The following ALK variants were observed in gnomAD, a reference collection of about 807,000 sequenced individuals.
The protein encoded by ALK is ALK receptor tyrosine kinase, also known as ALK tyrosine kinase receptor.
ALK carries 74 observed loss-of-function variants against 163.1 expected under a neutral mutation model. That is an observed-to-expected ratio of 0.45 (90% CI 0.38 to 0.55). The LOEUF is 0.55. Among genes scored for constraint, ALK ranks in the 20% least tolerant of loss-of-function variants. The pLI is 0.00. For missense variants in ALK, 2,063 were observed against 2,105.3 expected (o/e 0.98, Z 0.39); for synonymous variants, 960 against 843.2 (o/e 1.14, Z -2.40).
chr2:29,896,790 AT>A (rs907788592), intron 1 of ALK, among the ~76,000 whole-genome samples: 1 of 152,194 alleles, frequency 6.6e-6, no homozygotes, highest in African/African-American at 2.4e-5. Flanking sequence ...ACATGATCCC[AT>A]TGGACAGTAA....
intron 1 of ALK, among the ~76,000 whole-genome samples, chr2:29,745,430 C>T (rs1010426672): frequency 3.3e-5 from 5 of 152,160 alleles, no homozygotes; most frequent in Non-Finnish European, 7.3e-5. Flanking sequence ...ATAAATGAAC[C>T]CTCCACCATA....
intron 1 of ALK, among the ~76,000 whole-genome samples, chr2:29,831,070 GGGAGGAGGAGGAGGAGGA>G (rs751792416): frequency 4.2e-5 from 1 of 23,546 alleles, no homozygotes; most frequent in African/African-American, 1.5e-4. Flanking sequence ...GGGGAGGAAG[GGGAGGAGGAGGAGGAGGA>G]GGAGGAGGAG....
At chr2:29,654,501 T>C (rs1198660865) in intron 3 of ALK, among the ~76,000 whole-genome samples, 1 of 152,170 alleles carries the variant, frequency 6.6e-6, no homozygotes, top group Non-Finnish European at 1.5e-5. Flanking sequence ...AAAGGAAGCT[T>C]GGGTCATACA....
chr2:29,388,759 C>CAAAGGAG (rs757219872), intron 4 of ALK, among the ~76,000 whole-genome samples: 105 of 152,160 alleles, frequency 6.9e-4, no homozygotes, highest in Non-Finnish European at 1.0e-3. Context: ...TTATGAGCGT[C>CAAAGGAG]AAAGGAGAAA....
intron 25 of ALK, among the ~76,000 whole-genome samples, chr2:29,207,815 T>C (rs145706552): frequency 1.3e-5 from 2 of 151,786 alleles, no homozygotes; most frequent in Non-Finnish European, 2.9e-5. Flanking sequence ...AGGTGTGGAG[T>C]TGGCTTACAA....
intron 11 of ALK, among the ~76,000 whole-genome samples, chr2:29,273,630 C>T (rs368810251): frequency 6.6e-6 from 1 of 152,066 alleles, no homozygotes; most frequent in Non-Finnish European, 1.5e-5. Context: ...CAAGCTCAGG[C>T]ATCCAGCCAC....
intron 3 of ALK, among the ~76,000 whole-genome samples, chr2:29,639,635 A>T (rs746338132): frequency 6.6e-6 from 1 of 152,230 alleles, no homozygotes; most frequent in African/African-American, 2.4e-5. Context: ...AGGCTTCTAC[A>T]GTTACAAAAA....
intron 3 of ALK, among the ~76,000 whole-genome samples, chr2:29,549,503 T>A (rs967906391): frequency 6.6e-6 from 1 of 152,194 alleles, no homozygotes; most frequent in Non-Finnish European, 1.5e-5. Context: ...TAGCCACATG[T>A]GGTTTTTGAG....
intron 3 of ALK, among the ~76,000 whole-genome samples, chr2:29,564,482 C>A (rs982429826): frequency 1.3e-5 from 2 of 151,390 alleles, no homozygotes; most frequent in African/African-American, 4.9e-5. Flanking sequence ...CTCTTCCTAG[C>A]TATTTTGAGA....
chr2:29,662,055 G>A (rs1403427312), intron 3 of ALK, among the ~76,000 whole-genome samples: 3 of 151,956 alleles, frequency 2.0e-5, no homozygotes, highest in East Asian at 1.9e-4. Context: ...TACTACAGGC[G>A]TACACTGCCA....
intron 1 of ALK, among the ~76,000 whole-genome samples, chr2:29,749,235 C>T (rs999710803): frequency 3.3e-5 from 5 of 152,208 alleles, no homozygotes; most frequent in Non-Finnish European, 7.3e-5. Context: ...CAAGAATTCA[C>T]ATTGCTAACC....
chr2:29,910,757 T>C (rs1667679693), intron 1 of ALK, among the ~76,000 whole-genome samples: 1 of 152,082 alleles, frequency 6.6e-6, no homozygotes, highest in East Asian at 1.9e-4. Context: ...TTTTCTGAAA[T>C]GAAAGCAAAA....
chr2:29,835,158 G>A (rs1665524470), intron 1 of ALK, among the ~76,000 whole-genome samples: 1 of 152,202 alleles, frequency 6.6e-6, no homozygotes, highest in African/African-American at 2.4e-5. Flanking sequence ...CAAATAATAA[G>A]TAGCAAGAGT....
In ALK at chr2:29,507,855, T is replaced by A. The variant is rs114661631; in HGVS notation, c.1154+24060A>T. Among the ~76,000 whole-genome samples the A allele has an allele frequency of 2.6e-3, 396 of 152,322 alleles. 1 individual carries two copies. The highest frequency in any genetic ancestry group is 9.2e-3 in the African/African-American group (381 of 41,570). On this transcript the variant is annotated intron_variant, in intron 4 of 28. Coordinates refer to ENST00000389048, the MANE Select transcript of ALK (RefSeq NM_004304.5). ...ATGAGTTGATGTATCTGAAGGCCTG[T>A]TCACCAAACCACCTACTGATCATAA... is the stretch of plus-strand genomic sequence containing the variant.
rs747810439 is a variant in ALK at position 29,383,825 on chromosome 2, C to T, written c.1189G>A (p.Asp397Asn). 2.8e-5 allele frequency: 45 copies of T among 1,614,136 alleles called. No homozygotes were observed. Among genetic ancestry groups the T allele is most frequent in the Middle Eastern group, 3.3e-4 (2 of 6,058 alleles). ...TVLQGRIGRP[D>N]NPFRVALEYI... ...TCCAGGGCCACTCGAAATGGGTTGT[C>T]TGGACGCCCGATTCTTCCCTGGAGC... The change falls in exon 5 of 29, where the codon GAC (aspartate) becomes AAC (asparagine). Residue 397 changes from aspartate (D) to asparagine (N), a missense_variant. Physicochemically the swap from Asp to Asn is conservative, Grantham distance 23 (BLOSUM62 1). This residue lies in a region of ALK where 987 missense variants were observed against 939.5 expected (regional missense o/e 1.05). Transcript: ENST00000389048.
At chr2:29,829,604 C>T (rs1665305901) in intron 1 of ALK, among the ~76,000 whole-genome samples, 1 of 152,208 alleles carries the variant, frequency 6.6e-6, no homozygotes. Context: ...TATAGGTCTG[C>T]ATTTGTATGA....
At chr2:29,374,441 A>T (rs2148295216) in intron 5 of ALK, among the ~76,000 whole-genome samples, 1 of 152,266 alleles carries the variant, frequency 6.6e-6, no homozygotes, top group Non-Finnish European at 1.5e-5. Context: ...TGAAAAAAAA[A>T]AAAGCACTTC....
chr2:29,871,336 T>A, intron 1 of ALK, among the ~76,000 whole-genome samples: 1 of 152,194 alleles, frequency 6.6e-6, no homozygotes, highest in East Asian at 1.9e-4. Context: ...CATCCTGCAC[T>A]GACCCCTGGA....
chr2:29,275,853 C>T (rs193140745), intron 9 of ALK, among the ~76,000 whole-genome samples: 4 of 152,174 alleles, frequency 2.6e-5, no homozygotes, highest in African/African-American at 9.6e-5. Flanking sequence ...GTAACTGCTT[C>T]GTTCAGTAAA....
Sources: allele counts gnomAD v4.1 joint callset (sites outside exome capture counted in the v4.1 genomes callset), GRCh38; gene constraint gnomAD v4.1.1; regional missense constraint gnomAD v4.1.1; transcripts MANE v1.5; gene names NCBI Gene and HGNC (gene_info 2026-07-23, HGNC 2026-07-21).